Variants in KIF13B observed in about 807,000 individuals in gnomAD.
The protein encoded by KIF13B is kinesin-like protein KIF13B.
Under a neutral mutation model 222.0 loss-of-function variants are expected in KIF13B, and 127 were observed. The observed-to-expected ratio is 0.57, with a 90% CI of 0.50 to 0.66. The LOEUF (loss-of-function observed/expected upper bound fraction) is 0.66. Ranked by LOEUF, KIF13B falls within the 30% of genes least tolerant of loss-of-function variation. The probability of loss-of-function intolerance (pLI) is 0.00; values close to 1 mark genes in which losing one functional copy is unlikely to be tolerated. For missense variants in KIF13B, 2,173 were observed against 2,379.0 expected (o/e 0.91, Z 1.80); for synonymous variants, 976 against 919.0 (o/e 1.06, Z -1.12).
chr8:29,134,258 A>C, intron 21 of KIF13B, 48 bp from the exon 22 acceptor site: 1 of 1,584,114 alleles, frequency 6.3e-7, no homozygotes. Flanking sequence ...GGGTTCCAAC[A>C]AGCATTCAGA....
chr8:29,085,416 C>A (rs1260425695), intron 37 of KIF13B, among the ~76,000 whole-genome samples: 4 of 152,164 alleles, frequency 2.6e-5, no homozygotes, highest in African/African-American at 9.7e-5. Flanking sequence ...TAAGGAATGA[C>A]TGGTAAAAAC....
At chr8:29,180,406 T>C (rs1245285016) in intron 7 of KIF13B, among the ~76,000 whole-genome samples, 168 bp from the exon 8 acceptor site, 1 of 152,210 alleles carries the variant, frequency 6.6e-6, no homozygotes, top group East Asian at 1.9e-4. Flanking sequence ...CAATAGCCAA[T>C]ACTGTCTCTG....
At chr8:29,190,075 A>G (rs536137348) in intron 4 of KIF13B, 1 of 152,354 alleles carries the variant, frequency 6.6e-6, no homozygotes, top group East Asian at 1.9e-4. Flanking sequence ...CCCTTGTTGC[A>G]GTCTTTTACA....
At chr8:29,173,810 G>A (rs567937933) in intron 10 of KIF13B, among the ~76,000 whole-genome samples, 12 of 151,668 alleles carry the variant, frequency 7.9e-5, no homozygotes, top group African/African-American at 1.7e-4. Context: ...CAGGTGTGGC[G>A]GTGCGCACCT....
At chr8:29,197,053 T>A (rs1408488791) in intron 2 of KIF13B, among the ~76,000 whole-genome samples, 1 of 152,056 alleles carries the variant, frequency 6.6e-6, no homozygotes, top group Admixed American at 6.5e-5. Flanking sequence ...AATAACTCAA[T>A]ATGGCCGGGC....
chr8:29,107,623 G>A (rs1246989816), intron 35 of KIF13B, among the ~76,000 whole-genome samples: 2 of 149,358 alleles, frequency 1.3e-5, no homozygotes, highest in South Asian at 2.1e-4. Context: ...GCAGTGGTGC[G>A]ATTTTGGCTC....
At chr8:29,235,321 A>T (rs929952829) in intron 2 of KIF13B, among the ~76,000 whole-genome samples, 1 of 152,214 alleles carries the variant, frequency 6.6e-6, no homozygotes, top group African/African-American at 2.4e-5. Context: ...CAAGCAAGAT[A>T]ATCTATCTAT....
In KIF13B at chr8:29,118,967, AT is replaced by A; in HGVS notation, c.3560del (p.Asn1187IlefsTer14). ...LNADDFSSQDNLDDPEAGGWD... is the reference protein window; with the variant it reads ...LNADDFSSQDXLDDPEAGGWD... ...ATCCACCAGCTTCTGGGTCATCAAGATTATCCTGAGAGCTGAAATCATCAGC... is the reference window on the plus strand; with the variant it reads ...ATCCACCAGCTTCTGGGTCATCAAGATATCCTGAGAGCTGAAATCATCAGC... On this transcript the variant is annotated frameshift_variant, in exon 30 of 40. Transcript: ENST00000524189. LOFTEE classifies it high-confidence loss of function. 6.2e-7 allele frequency: 1 copy of A among 1,613,820 alleles called. No individual in the cohort carries two copies. Among genetic ancestry groups the A allele is most frequent in the South Asian group, 1.1e-5 (1 of 91,048 alleles).
At chr8:29,253,828 CAAAA>C (rs1163069689) in intron 1 of KIF13B, among the ~76,000 whole-genome samples, 3,035 of 20,786 alleles carry the variant, frequency 0.15, 31 homozygotes, top group Admixed American at 0.21. Flanking sequence ...GAGACTGTCT[CAAAA>C]AAAAAAAAAA....
chr8:29,167,336 C>T (rs1433546474), intron 11 of KIF13B, 37 bp downstream of exon 11: 44 of 1,525,788 alleles, frequency 2.9e-5, no homozygotes, highest in Non-Finnish European at 4.0e-5. Flanking sequence ...GATTCCTCTT[C>T]CTGGACTCAC....
In KIF13B at chr8:29,177,341, G is replaced by A; in HGVS notation, c.833+125C>T. ...GGCATCTCAACAAAACCTAAAATGG[G>A]CCCAGGCCCATTGAAAATACCAGAA... On this transcript the variant is annotated intron_variant, in intron 9 of 39. Coordinates refer to ENST00000524189, the MANE Select transcript of KIF13B (RefSeq NM_015254.4). 6 of 684,450 alleles carry A rather than the reference G, an allele frequency of 8.8e-6. No individual in the cohort carries two copies. The Admixed American group carries it at 1.3e-4, about 15-fold the overall frequency. 42.4% of individuals were successfully genotyped at this position (684,450 alleles called of 1,614,324 possible).
intron 1 of KIF13B, among the ~76,000 whole-genome samples, chr8:29,256,689 T>A (rs1157706800): frequency 6.6e-6 from 1 of 152,208 alleles, no homozygotes; most frequent in African/African-American, 2.4e-5. Context: ...TTTGTAATTC[T>A]GGGAATGTTA....
intron 10 of KIF13B, among the ~76,000 whole-genome samples, chr8:29,170,703 C>T (rs1812199964): frequency 6.6e-6 from 1 of 152,062 alleles, no homozygotes; most frequent in Non-Finnish European, 1.5e-5. Context: ...TTTGTAACAC[C>T]AAGAAGCACA....
Position 29,071,033 on chromosome 8 carries a change from AGGCCCTGGG to A in KIF13B, c.5219-276_5219-268del, listed in dbSNP as rs1000870120. On this transcript the variant is annotated intron_variant, in intron 39 of 39. Coordinates refer to ENST00000524189, the MANE Select transcript of KIF13B (RefSeq NM_015254.4). This position sits in a 1 kb window ranked among gnomAD's most constrained non-coding sequence, Gnocchi z 4.9. ...CCTGCAGCCTCAGGTAGGAGGTGAC[AGGCCCTGGG>A]GGCCCTGGGGAGTGCCTTGTGGAAG... Among the ~76,000 whole-genome samples the A allele has an allele frequency of 1.3e-5, 2 of 152,156 alleles. No homozygotes were observed. The highest frequency in any genetic ancestry group is 2.9e-5 in the Non-Finnish European group (2 of 68,006).
rs1017567808 is a variant in KIF13B at position 29,070,700 on chromosome 8, A to G, written c.5285T>C (p.Val1762Ala). 1.3e-6 allele frequency: 2 copies of G among 1,561,524 alleles called. No individual in the cohort carries two copies. The highest frequency in any genetic ancestry group is 2.7e-5 in the African/African-American group (2 of 73,662). ...FRCNPGYGLLVRPSRVRRATG... is the reference protein window; with the variant it reads ...FRCNPGYGLLARPSRVRRATG... ...GGCCCTGCGGACCCGGCTGGGCCTGACCAGCAGCCCGTAGCCAGGGTTACA... is the reference window on the plus strand; with the variant it reads ...GGCCCTGCGGACCCGGCTGGGCCTGGCCAGCAGCCCGTAGCCAGGGTTACA... Residue 1762 changes from valine to alanine, a missense_variant, in exon 40 of 40, where the codon GTC becomes GCC. This residue lies in a region of KIF13B where 693 missense variants were observed against 656.2 expected (regional missense o/e 1.06). Transcript: ENST00000524189. The surrounding 1 kb of genome is among the most constrained non-coding windows in gnomAD (Gnocchi z 4.1).
At chr8:29,164,851 GTTT>G (rs754177287) in intron 12 of KIF13B, among the ~76,000 whole-genome samples, 2 of 140,260 alleles carry the variant, frequency 1.4e-5, no homozygotes, top group Admixed American at 7.2e-5. Context: ...ACCCTAACGT[GTTT>G]TTTTTTTTTT....
intron 1 of KIF13B, among the ~76,000 whole-genome samples, chr8:29,248,448 C>T (rs1816132046): frequency 6.6e-6 from 1 of 152,236 alleles, no homozygotes. Context: ...AATGGACTCA[C>T]AGTTTCACGT....
intron 21 of KIF13B, 105 bp from the exon 22 acceptor site, chr8:29,134,315 A>G (rs960214503): frequency 1.9e-6 from 2 of 1,061,542 alleles, no homozygotes; most frequent in Non-Finnish European, 2.8e-6. Context: ...GGTGCTTATG[A>G]TATTTATGTT....
intron 5 of KIF13B, among the ~76,000 whole-genome samples, chr8:29,188,193 T>C (rs1813023991): frequency 6.6e-6 from 1 of 152,188 alleles, no homozygotes; most frequent in African/African-American, 2.4e-5. Flanking sequence ...TGGTATTTTA[T>C]CTGTTATGGT....
Sources: allele counts gnomAD v4.1 joint callset (sites outside exome capture counted in the v4.1 genomes callset), GRCh38; gene constraint gnomAD v4.1.1; regional missense constraint gnomAD v4.1.1; non-coding constraint Gnocchi (gnomAD v3.1); transcripts MANE v1.5; gene names NCBI Gene and HGNC (gene_info 2026-07-23, HGNC 2026-07-21).